Variants in MAP2 observed in about 807,000 individuals in gnomAD.
The protein encoded by MAP2 is microtubule-associated protein 2.
A neutral mutation model predicts 137.6 loss-of-function variants in MAP2; 14 were observed. That is an observed-to-expected ratio of 0.10 (90% CI 0.07 to 0.16). The LOEUF (loss-of-function observed/expected upper bound fraction) is 0.16. MAP2 is among the 10% of genes least tolerant of loss of function. The pLI is 1.00. For synonymous variants in MAP2, 786 were observed against 782.3 expected (o/e 1.00, Z -0.08); for missense variants, 2,088 against 2,191.5 (o/e 0.95, Z 0.94).
At chr2:209,582,410 A>G (rs79211162) in intron 3 of MAP2, among the ~76,000 whole-genome samples, 3 of 152,090 alleles carry the variant, frequency 2.0e-5, no homozygotes, top group Non-Finnish European at 4.4e-5. Flanking sequence ...GTCCCCTTTC[A>G]CTTTCATCAG....
chr2:209,456,579 G>T (rs1354474197), intron 1 of MAP2, among the ~76,000 whole-genome samples: 1 of 152,172 alleles, frequency 6.6e-6, no homozygotes, highest in Non-Finnish European at 1.5e-5. Context: ...AGACCATGTG[G>T]GAGGGAGGAA....
At chr2:209,501,360 C>A (rs2060358171) in intron 1 of MAP2, among the ~76,000 whole-genome samples, 1 of 152,058 alleles carries the variant, frequency 6.6e-6, no homozygotes, top group Middle Eastern at 3.2e-3. Context: ...TATAATCAGG[C>A]CTATTTGAGT....
At chr2:209,534,090 C>T (rs1048560785) in intron 2 of MAP2, among the ~76,000 whole-genome samples, 7 of 152,188 alleles carry the variant, frequency 4.6e-5, no homozygotes, top group Non-Finnish European at 1.0e-4. Flanking sequence ...TGCTCAGAAC[C>T]TCCACCTTCA....
chr2:209,511,880 A>G (rs1408888436), intron 2 of MAP2, among the ~76,000 whole-genome samples: 2 of 151,998 alleles, frequency 1.3e-5, no homozygotes, highest in African/African-American at 4.8e-5. Flanking sequence ...TCAATTACCT[A>G]TGACTGAATC....
intron 4 of MAP2, among the ~76,000 whole-genome samples, chr2:209,647,984 A>C (rs2094518469): frequency 6.6e-6 from 1 of 152,138 alleles, no homozygotes; most frequent in African/African-American, 2.4e-5. Context: ...CTTTTTTTTA[A>C]TAATATACCT....
At chr2:209,699,855 G>T (rs913515802) in intron 10 of MAP2, among the ~76,000 whole-genome samples, 3 of 152,124 alleles carry the variant, frequency 2.0e-5, no homozygotes, top group African/African-American at 4.8e-5. Context: ...CAAGAAGAGG[G>T]TTTGGAAATC....
At chr2:209,438,839 A>G (rs1697030305) in intron 1 of MAP2, among the ~76,000 whole-genome samples, 1 of 151,456 alleles carries the variant, frequency 6.6e-6, no homozygotes. Flanking sequence ...CATAAAATCT[A>G]GGTATACATA....
chr2:209,655,163 G>T (rs78047976), intron 5 of MAP2, among the ~76,000 whole-genome samples: 1 of 152,164 alleles, frequency 6.6e-6, no homozygotes, highest in Admixed American at 6.5e-5. Context: ...GCTAATAGAC[G>T]TTTCTTTTAA....
chr2:209,696,485 C>A, intron 8 of MAP2, 57 bp from the exon 9 acceptor site: 1 of 1,512,000 alleles, frequency 6.6e-7, no homozygotes, highest in Non-Finnish European at 9.0e-7. Flanking sequence ...ATTTTGTACA[C>A]TTGTTACTAA....
intron 1 of MAP2, among the ~76,000 whole-genome samples, chr2:209,495,155 G>T (rs959379655): frequency 6.6e-6 from 1 of 152,208 alleles, no homozygotes; most frequent in African/African-American, 2.4e-5. Flanking sequence ...TCTGGACAGG[G>T]CATCTCTGAA....
intron 5 of MAP2, among the ~76,000 whole-genome samples, chr2:209,674,351 A>C (rs141920716): frequency 7.7e-4 from 117 of 151,884 alleles, no homozygotes; most frequent in Middle Eastern, 3.4e-3. Flanking sequence ...TTTGTATTCC[A>C]GGCCTGTTAT....
chr2:209,714,249 C>T (rs2066640633), intron 13 of MAP2, among the ~76,000 whole-genome samples: 1 of 152,032 alleles, frequency 6.6e-6, no homozygotes, highest in Non-Finnish European at 1.5e-5. Flanking sequence ...GTTATATGCG[C>T]TTGTAATAAT....
intron 1 of MAP2, among the ~76,000 whole-genome samples, chr2:209,455,941 G>C (rs1185073123): frequency 6.6e-6 from 1 of 152,004 alleles, no homozygotes; most frequent in Non-Finnish European, 1.5e-5. Flanking sequence ...TATTAAACAT[G>C]ATATCTACAC....
At chr2:209,507,928 A>G (rs1161704089) in intron 2 of MAP2, among the ~76,000 whole-genome samples, 2 of 152,128 alleles carry the variant, frequency 1.3e-5, no homozygotes, top group Admixed American at 1.3e-4. Flanking sequence ...TCATTTGTTT[A>G]ATTAACAGAA....
Position 209,495,069 on chromosome 2 carries a change from C to T in MAP2, c.-221-12523C>T, listed in dbSNP as rs1041935314. ...AAAGACATCGGTAAACAAAGCCACC[C>T]GAAGTTTGGACTGGGCGGAGCCCAG... On this transcript the variant is annotated intron_variant, in intron 1 of 15. Coordinates refer to ENST00000682079, the MANE Select transcript of MAP2 (RefSeq NM_001375505.1). Among the ~76,000 whole-genome samples, 14 of 152,338 alleles carry T rather than the reference C, an allele frequency of 9.2e-5. No individual in the cohort carries two copies. The South Asian group carries it at 1.5e-3, about 16-fold the overall frequency.
intron 1 of MAP2, among the ~76,000 whole-genome samples, chr2:209,435,357 C>T (rs989330578): frequency 3.3e-5 from 5 of 151,516 alleles, no homozygotes; most frequent in Non-Finnish European, 7.4e-5. Flanking sequence ...CACATTATGT[C>T]AGAAGTGGCA....
intron 2 of MAP2, among the ~76,000 whole-genome samples, chr2:209,516,543 A>G (rs922552341): frequency 6.6e-6 from 1 of 152,142 alleles, no homozygotes; most frequent in Admixed American, 6.6e-5. Context: ...AAAAAAGGGA[A>G]GGGTTAAGGA....
chr2:209,577,780 A>G (rs970567194), intron 2 of MAP2, among the ~76,000 whole-genome samples: 5 of 152,158 alleles, frequency 3.3e-5, no homozygotes, highest in African/African-American at 1.2e-4. Context: ...AGTGCCTAGT[A>G]TGTAATGATG....
chr2:209,574,880 T>A (rs760103616), intron 2 of MAP2, among the ~76,000 whole-genome samples: 37 of 152,296 alleles, frequency 2.4e-4, no homozygotes, highest in Non-Finnish European at 3.1e-4. Context: ...AATAACAAAC[T>A]CAAGAATACT....
Sources: gnomAD v4.1 joint callset for allele counts (sites outside exome capture counted in the v4.1 genomes callset) on GRCh38, gnomAD v4.1.1 for gene constraint, MANE v1.5 for transcripts, NCBI Gene and HGNC (gene_info 2026-07-23, HGNC 2026-07-21) for gene names.